Variants in ADAMTS9 observed in about 807,000 individuals in gnomAD.
ADAMTS9 encodes the protein ADAM metallopeptidase with thrombospondin type 1 motif 9.
In ADAMTS9, 107 loss-of-function variants were observed where a neutral mutation model predicts 257.1. The observed-to-expected ratio is 0.42, with a 90% CI of 0.36 to 0.49. The LOEUF (loss-of-function observed/expected upper bound fraction) is 0.49, where lower values mean the gene tolerates loss of function less well. ADAMTS9 is among the 20% of genes least tolerant of loss of function. ADAMTS9 has a pLI of 0.03. For missense variants in ADAMTS9, 2,353 were observed against 2,469.1 expected, an observed-to-expected ratio of 0.95 and a Z score of 1.00; for synonymous variants, 982 against 880.9, an observed-to-expected ratio of 1.11 and a Z score of -2.03.
intron 16 of ADAMTS9, among the ~76,000 whole-genome samples, chr3:64,629,289 A>T (rs563167174): frequency 3.9e-5 from 6 of 152,318 alleles, no homozygotes; most frequent in African/African-American, 1.2e-4. Flanking sequence ...CTTTAAAAAC[A>T]TAAATGCAGT....
rs753260453 is a variant in ADAMTS9, at chr3:64,686,952, G to T, written c.132C>A (p.Thr44=). ...LHPRQVKLLE[T]LSEYEIVSPI... is the part of the protein sequence containing the mutation. ...GAGACACGATTTCGTATTCGCTCAG[G>T]GTCTCTAATAATTTCACTGCGGAGA... The change falls in exon 2 of 40, where the codon ACC becomes ACA. Residue 44 remains threonine, a synonymous_variant. Coordinates refer to ENST00000498707, the MANE Select transcript of ADAMTS9 (RefSeq NM_182920.2). This position sits in a 1 kb window ranked among gnomAD's most constrained non-coding sequence, Gnocchi z 4.6. The T allele has an allele frequency of 1.2e-6, 2 of 1,613,738 alleles. No homozygotes were observed. Among genetic ancestry groups the T allele is most frequent in the African/African-American group, 2.7e-5 (2 of 75,012 alleles).
At chr3:64,638,495 G>A (rs1299750245) in intron 12 of ADAMTS9, among the ~76,000 whole-genome samples, 7 of 152,160 alleles carry the variant, frequency 4.6e-5, no homozygotes, top group Admixed American at 2.6e-4. Flanking sequence ...GAGTGAAAAT[G>A]GGAGCTATTA....
At chr3:64,644,371 G>A (rs1163898000) in intron 11 of ADAMTS9, among the ~76,000 whole-genome samples, 1 of 152,192 alleles carries the variant, frequency 6.6e-6, no homozygotes, top group African/African-American at 2.4e-5. Flanking sequence ...TGGGACACAT[G>A]CTGCCTCTTA....
intron 28 of ADAMTS9, among the ~76,000 whole-genome samples, chr3:64,579,083 C>A (rs1471206129): frequency 6.6e-6 from 1 of 152,134 alleles, no homozygotes; most frequent in Admixed American, 6.5e-5. Context: ...AACAAAAACT[C>A]CGTCCAATAG....
intron 27 of ADAMTS9, among the ~76,000 whole-genome samples, chr3:64,596,300 C>T (rs2084363003): frequency 6.6e-6 from 1 of 152,186 alleles, no homozygotes. Context: ...TCACAGGCAA[C>T]CCTGAAAAGG....
chr3:64,613,584 A>T, intron 21 of ADAMTS9, 75 bp from the exon 22 acceptor site: 5 of 1,449,902 alleles, frequency 3.4e-6, no homozygotes, highest in Middle Eastern at 4.8e-4. Context: ...TTTATTGATG[A>T]GTAGGAACAG....
chr3:64,641,761 T>G (rs753256491), intron 12 of ADAMTS9, 87 bp downstream of exon 12: 3 of 1,530,184 alleles, frequency 2.0e-6, no homozygotes, highest in African/African-American at 2.7e-5. Context: ...TAAGTTGGAA[T>G]GTACTCTTCA....
Position 64,686,263 on chromosome 3 carries a change from G to A in ADAMTS9, c.516+305C>T, listed in dbSNP as rs1052033176. 1.3e-5 allele frequency among the ~76,000 whole-genome samples: 2 copies of A among 152,206 alleles called. No homozygotes were observed. The highest frequency in any genetic ancestry group is 2.1e-4 in the South Asian group (1 of 4,834). On this transcript the variant is annotated intron_variant, in intron 2 of 39. Transcript: ENST00000498707. The surrounding 1 kb of genome is among the most constrained non-coding windows in gnomAD (Gnocchi z 4.6). ...AACCGCAACTCCAGTAACTTTCTCC[G>A]AGTTTGGAAACTGACTTCCAGGCCG... is the stretch of plus-strand genomic sequence containing the variant.
intron 9 of ADAMTS9, 27 bp from the exon 10 acceptor site, chr3:64,649,805 A>G (rs769004510): frequency 1.9e-6 from 3 of 1,601,298 alleles, no homozygotes; most frequent in Non-Finnish European, 2.6e-6. Context: ...AAACACACAG[A>G]TGGTGAGAAC....
intron 27 of ADAMTS9, among the ~76,000 whole-genome samples, chr3:64,595,975 T>C (rs1464056898): frequency 6.6e-6 from 1 of 152,224 alleles, no homozygotes; most frequent in Non-Finnish European, 1.5e-5. Flanking sequence ...CTAGGCCCTA[T>C]GTATAATAAG....
At chr3:64,634,456 G>A (rs963489486) in intron 12 of ADAMTS9, among the ~76,000 whole-genome samples, 5 of 152,150 alleles carry the variant, frequency 3.3e-5, no homozygotes, top group Non-Finnish European at 7.4e-5. Flanking sequence ...ATGGGAATGT[G>A]TTCATATTTT....
intron 5 of ADAMTS9, 49 bp downstream of exon 5, chr3:64,655,743 T>C (rs1701053726): frequency 6.3e-7 from 1 of 1,583,290 alleles, no homozygotes; most frequent in East Asian, 2.2e-5. Context: ...CCCAATTAGA[T>C]ATGCCATTTC....
rs947519375 is a variant in ADAMTS9, at chr3:64,686,534, G to A, written c.516+34C>T. The A allele has an allele frequency of 2.6e-6, 4 of 1,557,630 alleles. No individual in the cohort carries two copies. The African/African-American group carries it at 4.1e-5, about 16-fold the overall frequency. On this transcript the variant is annotated intron_variant, in intron 2 of 39. Coordinates refer to ENST00000498707, the MANE Select transcript of ADAMTS9 (RefSeq NM_182920.2). The surrounding 1 kb of genome is among the most constrained non-coding windows in gnomAD (Gnocchi z 4.6). ...GTCTTCTAGAAGCGGGCGAGGAGGCGGAAGGGGAGAGGAGGTGGCGCGCGC... is the reference window on the plus strand; with the variant it reads ...GTCTTCTAGAAGCGGGCGAGGAGGCAGAAGGGGAGAGGAGGTGGCGCGCGC...
chr3:64,628,908 A>G (rs1700297477), intron 16 of ADAMTS9, among the ~76,000 whole-genome samples: 1 of 152,168 alleles, frequency 6.6e-6, no homozygotes, highest in Non-Finnish European at 1.5e-5. Context: ...ACTTTAAAAC[A>G]CTAGTGGTCG....
intron 16 of ADAMTS9, 106 bp from the exon 17 acceptor site, chr3:64,622,692 G>T: frequency 1.6e-6 from 2 of 1,284,416 alleles, no homozygotes; most frequent in African/African-American, 1.5e-5. Context: ...GCACGGAATG[G>T]GGACTTTTGA....
intron 22 of ADAMTS9, among the ~76,000 whole-genome samples, chr3:64,611,118 G>A (rs1036573535): frequency 2.0e-5 from 3 of 148,190 alleles, no homozygotes; most frequent in African/African-American, 7.5e-5. Flanking sequence ...TCAGAATTAC[G>A]GTATGATTCA....
At chr3:64,601,476 C>T (rs1010479481) in intron 26 of ADAMTS9, among the ~76,000 whole-genome samples, 1 of 152,186 alleles carries the variant, frequency 6.6e-6, no homozygotes, top group African/African-American at 2.4e-5. Context: ...TAGTATTTCC[C>T]CCTAATCCAG....
chr3:64,552,090 C>T (rs552296458), intron 30 of ADAMTS9, among the ~76,000 whole-genome samples: 10 of 152,286 alleles, frequency 6.6e-5, no homozygotes, highest in Non-Finnish European at 1.5e-4. Flanking sequence ...AAGAAGATAG[C>T]TAGGTAGTGA....
In ADAMTS9 at chr3:64,594,375, G is replaced by A. The variant is rs755352402; in HGVS notation, c.4239C>T (p.Asn1413=). Residue 1413 remains asparagine, a synonymous_variant, in exon 28 of 40, where the codon AAC becomes AAT. Coordinates refer to ENST00000498707, the MANE Select transcript of ADAMTS9 (RefSeq NM_182920.2). The part of the protein sequence containing the change: ...RTRLVVCQRS[N]GERFPDLSCE... ...AGCTCAAATCTGGAAACCGTTCACC[G>A]TTGGACCGCTGACAGACCACCAGTC... The A allele has an allele frequency of 3.7e-5, 60 of 1,613,960 alleles. No individual in the cohort carries two copies. The South Asian group carries it at 5.4e-4, about 14-fold the overall frequency.
Sources: allele counts gnomAD v4.1 joint callset (sites outside exome capture counted in the v4.1 genomes callset), GRCh38; gene constraint gnomAD v4.1.1; non-coding constraint Gnocchi (gnomAD v3.1); transcripts MANE v1.5; gene names NCBI Gene and HGNC (gene_info 2026-07-23, HGNC 2026-07-21).